The following TTLL5 variants were observed in gnomAD, a reference collection of about 807,000 sequenced individuals.
TTLL5 encodes tubulin polyglutamylase TTLL5.
In TTLL5, 132 loss-of-function variants were observed where a neutral mutation model predicts 168.4. The ratio of observed to expected loss-of-function variants is 0.78; its 90% CI spans 0.68 to 0.91. TTLL5 has a LOEUF of 0.91. Among genes scored for constraint, TTLL5 ranks in the 40% least tolerant of loss-of-function variants. TTLL5 has a pLI of 0.00. For synonymous variants in TTLL5, 546 were observed against 558.6 expected, an observed-to-expected ratio of 0.98 and a Z score of 0.32; for missense variants, 1,545 against 1,581.5, an observed-to-expected ratio of 0.98 and a Z score of 0.39.
At chr14:75,854,784 A>C (rs1400659322) in intron 28 of TTLL5, among the ~76,000 whole-genome samples, 1 of 152,206 alleles carries the variant, frequency 6.6e-6, no homozygotes, top group Non-Finnish European at 1.5e-5. Context: ...TTAGCCAGTC[A>C]CATATTTTCT....
intron 31 of TTLL5, among the ~76,000 whole-genome samples, chr14:75,915,683 A>G (rs1473353410): frequency 6.6e-6 from 1 of 152,246 alleles, no homozygotes; most frequent in African/African-American, 2.4e-5. Context: ...ATTCCTGTAT[A>G]AAAATGGGTT....
intron 11 of TTLL5, 129 bp downstream of exon 11, chr14:75,719,955 T>C: frequency 2.1e-6 from 2 of 975,156 alleles, no homozygotes; most frequent in Non-Finnish European, 3.1e-6. Flanking sequence ...TTGGTGTTAC[T>C]TTTTCCTGCA....
At chr14:75,817,889 G>C (rs1459615463) in intron 27 of TTLL5, among the ~76,000 whole-genome samples, 1 of 141,280 alleles carries the variant, frequency 7.1e-6, no homozygotes, top group South Asian at 2.2e-4. Context: ...CCAGGCTGGA[G>C]TGCAGTAGTG....
chr14:75,748,554 A>C (rs181734739), intron 17 of TTLL5, among the ~76,000 whole-genome samples: 82 of 152,326 alleles, frequency 5.4e-4, no homozygotes, highest in Non-Finnish European at 4.4e-5. Context: ...TGGGCCTTAA[A>C]ATATGTGAGC....
At chr14:75,814,498 C>T (rs1342059850) in intron 27 of TTLL5, 2 of 152,106 alleles carry the variant, frequency 1.3e-5, no homozygotes, top group African/African-American at 4.8e-5. Flanking sequence ...GGTATGAACC[C>T]TAATTGGCTT....
chr14:75,835,667 C>G (rs1895826470), intron 28 of TTLL5: 1 of 152,076 alleles, frequency 6.6e-6, no homozygotes, highest in Admixed American at 6.5e-5. Flanking sequence ...GATTAATAAT[C>G]AGAATATGTA....
At chr14:75,815,102 A>C (rs1273672686) in intron 27 of TTLL5, among the ~76,000 whole-genome samples, 1 of 152,218 alleles carries the variant, frequency 6.6e-6, no homozygotes, top group Non-Finnish European at 1.5e-5. Flanking sequence ...ATGGGTTAGC[A>C]GTATGAGTCC....
intron 28 of TTLL5, among the ~76,000 whole-genome samples, chr14:75,859,886 G>C (rs1051947044): frequency 6.6e-6 from 1 of 152,188 alleles, no homozygotes; most frequent in African/African-American, 2.4e-5. Context: ...TGCTTTAAGT[G>C]TGAGAAACCA....
In TTLL5 at chr14:75,903,139, A is replaced by G. The variant is rs116395878; in HGVS notation, c.3823+915A>G. Among the ~76,000 whole-genome samples the G allele has an allele frequency of 5.1e-3, 784 of 152,336 alleles. 11 individuals are homozygous for G. The highest frequency in any genetic ancestry group is 0.018 in the African/African-American group (737 of 41,580). On this transcript the variant is annotated intron_variant, in intron 31 of 31. Coordinates refer to ENST00000298832, the MANE Select transcript of TTLL5 (RefSeq NM_015072.5). ...ATATTCCCCATTTATGGCTGAAGAA[A>G]TAAAGGCACAGGCAGATTATCAAAC...
intron 28 of TTLL5, among the ~76,000 whole-genome samples, chr14:75,834,565 T>A (rs1895773768): frequency 6.6e-6 from 1 of 152,208 alleles, no homozygotes; most frequent in African/African-American, 2.4e-5. Flanking sequence ...ACTCTGTATA[T>A]TTTTTACTCC....
chr14:75,950,828 C>T (rs947436059), intron 31 of TTLL5, among the ~76,000 whole-genome samples: 2 of 151,980 alleles, frequency 1.3e-5, no homozygotes, highest in African/African-American at 4.8e-5. Context: ...ATTATCCAAA[C>T]CTGGTGGCAC....
At position 75,683,588 on chromosome 14, in the gene TTLL5, A is replaced by G. The variant is rs1170264583; in HGVS notation, c.303A>G (p.Thr101=). The G allele has an allele frequency of 6.2e-7, 1 of 1,613,990 alleles. No homozygotes were observed. Among genetic ancestry groups the G allele is most frequent in the East Asian group, 2.2e-5 (1 of 44,880 alleles). The part of the protein sequence containing the change: ...PSSTDYNLMW[T]GSHLKPFLLR... ...GCACTGACTATAACCTAATGTGGAC[A>G]GGATCCCACCTGAAGCCCTTCTTAC... The change falls in exon 5 of 32, where the codon ACA becomes ACG. Residue 101 remains threonine, a synonymous_variant. Coordinates refer to ENST00000298832, the MANE Select transcript of TTLL5 (RefSeq NM_015072.5).
At chr14:75,889,923 CAAA>C (rs2032316091) in intron 30 of TTLL5, among the ~76,000 whole-genome samples, 1 of 77,066 alleles carries the variant, frequency 1.3e-5, no homozygotes, top group Non-Finnish European at 2.4e-5. Context: ...GGTAATCTGT[CAAA>C]GAAGGAAGGA....
intron 18 of TTLL5, among the ~76,000 whole-genome samples, chr14:75,764,231 A>G (rs1438038683): frequency 2.0e-5 from 3 of 152,336 alleles, no homozygotes; most frequent in African/African-American, 7.2e-5. Flanking sequence ...AATGGGTAGA[A>G]ATGAAACAAA....
intron 2 of TTLL5, among the ~76,000 whole-genome samples, chr14:75,667,445 G>A (rs1012807715): frequency 1.7e-4 from 26 of 152,254 alleles, no homozygotes; most frequent in Middle Eastern, 3.4e-3. Context: ...GGAATCACCT[G>A]GCTTCATGCC....
chr14:75,757,933 T>G, intron 18 of TTLL5: 1 of 1,437,958 alleles, frequency 7.0e-7, no homozygotes, highest in Non-Finnish European at 9.3e-7. Flanking sequence ...ATGCACAGAC[T>G]AAGCATAATA....
chr14:75,792,853 T>C, intron 26 of TTLL5, 63 bp from the exon 27 acceptor site: 1 of 1,438,448 alleles, frequency 7.0e-7, no homozygotes, highest in South Asian at 1.6e-5. Context: ...TTTCTGTCAT[T>C]ATCCTAATTT....
chr14:75,662,433 TCCTCCCTCAG>T (rs1369291511), intron 1 of TTLL5, among the ~76,000 whole-genome samples: 1 of 151,112 alleles, frequency 6.6e-6, no homozygotes, highest in Non-Finnish European at 1.5e-5. Context: ...CAAGCGATTC[TCCTCCCTCAG>T]CCTCCCGAGT....
intron 22 of TTLL5, among the ~76,000 whole-genome samples, chr14:75,776,034 A>G (rs1375423467): frequency 6.6e-6 from 1 of 152,180 alleles, no homozygotes; most frequent in Non-Finnish European, 1.5e-5. Flanking sequence ...TCATCTTTAA[A>G]ACATTTTATA....
Sources: allele counts gnomAD v4.1 joint callset (sites outside exome capture counted in the v4.1 genomes callset), GRCh38; gene constraint gnomAD v4.1.1; transcripts MANE v1.5; gene names NCBI Gene and HGNC (gene_info 2026-07-23, HGNC 2026-07-21).